The following TBC1D22A variants were observed in gnomAD, a reference collection of about 807,000 sequenced individuals.
The protein encoded by TBC1D22A is TBC1 domain family member 22A, also known as putative GTPase activator.
Under a neutral mutation model 60.2 loss-of-function variants are expected in TBC1D22A, and 38 were observed. The ratio of observed to expected loss-of-function variants is 0.63; its 90% CI spans 0.49 to 0.83. TBC1D22A has a LOEUF of 0.83. Ranked by LOEUF, TBC1D22A falls within the 40% of genes least tolerant of loss-of-function variation. TBC1D22A has a pLI of 0.00. For synonymous variants in TBC1D22A, 302 were observed against 281.7 expected (o/e 1.07, Z -0.72); for missense variants, 628 against 701.0 (o/e 0.90, Z 1.18).
chr22:46,788,594 G>A (rs556256017), intron 1 of TBC1D22A, among the ~76,000 whole-genome samples: 3 of 152,176 alleles, frequency 2.0e-5, no homozygotes, highest in African/African-American at 7.2e-5. Context: ...TGTGGTTCAT[G>A]CCACAGGGCG....
intron 5 of TBC1D22A, among the ~76,000 whole-genome samples, chr22:46,888,337 G>C (rs1169275957): frequency 6.6e-6 from 1 of 152,224 alleles, no homozygotes; most frequent in South Asian, 2.1e-4. Context: ...GGCTCTGTTC[G>C]AGCAAGGATG....
intron 4 of TBC1D22A, among the ~76,000 whole-genome samples, chr22:46,830,149 G>A (rs1198319094): frequency 6.6e-6 from 1 of 152,198 alleles, no homozygotes; most frequent in African/African-American, 2.4e-5. Flanking sequence ...GGTATTGTGG[G>A]CATCAGGCGT....
intron 4 of TBC1D22A, among the ~76,000 whole-genome samples, chr22:46,876,051 C>T (rs1237862960): frequency 1.3e-5 from 2 of 152,138 alleles, no homozygotes; most frequent in Non-Finnish European, 2.9e-5. Context: ...GCGATGGGCC[C>T]TGAGAGCTGC....
rs559218840 is a variant in TBC1D22A at position 46,884,900 on chromosome 22, C to T, written c.708+6177C>T. On this transcript the variant is annotated intron_variant, in intron 5 of 12. Transcript: ENST00000337137. The stretch of plus-strand genomic sequence containing the variant: ...AGGGGCCATGGTGAGTGACGAGTCT[C>T]GGCCTCTTGGTCAGAGAGGCAGGAA... Among the ~76,000 whole-genome samples the T allele has an allele frequency of 1.1e-4, 16 of 152,244 alleles. No homozygotes were observed. In the South Asian group the frequency reaches 3.1e-3, roughly 30 times the overall value.
intron 7 of TBC1D22A, among the ~76,000 whole-genome samples, chr22:46,903,846 G>A (rs2069187979): frequency 6.6e-6 from 1 of 152,176 alleles, no homozygotes; most frequent in African/African-American, 2.4e-5. Flanking sequence ...GGTTGGGACT[G>A]AGGGGTGGTA....
intron 8 of TBC1D22A, among the ~76,000 whole-genome samples, chr22:46,924,755 AC>A (rs2070953909): frequency 6.7e-6 from 1 of 150,160 alleles, no homozygotes; most frequent in African/African-American, 2.5e-5. Flanking sequence ...CAAAAAAAAA[AC>A]AAAAACAAAA....
At position 47,174,991 on chromosome 22, in the gene TBC1D22A, T is replaced by G. The variant is rs1294854612; in HGVS notation, c.*1365T>G. ...TCTGATCCCTGAGCCCAGGACAGGCTCACGTCCTCAGCGACCCACTGGTGA... is the reference window on the plus strand; with the variant it reads ...TCTGATCCCTGAGCCCAGGACAGGCGCACGTCCTCAGCGACCCACTGGTGA... On this transcript the variant is annotated 3_prime_UTR_variant, in exon 13 of 13. Coordinates refer to ENST00000337137, the MANE Select transcript of TBC1D22A (RefSeq NM_014346.5). The G allele has an allele frequency of 6.6e-6, 1 of 152,352 alleles. No individual in the cohort carries two copies. Among genetic ancestry groups the G allele is most frequent in the Non-Finnish European group, 1.5e-5 (1 of 68,180 alleles). 9.4% of individuals were successfully genotyped at this position (152,352 alleles called of 1,614,324 possible). A position where few individuals can be genotyped will look rare whatever the true frequency, so the allele number is the denominator to read the frequency against.
At chr22:46,947,277 G>A (rs9615425) in intron 8 of TBC1D22A, among the ~76,000 whole-genome samples, 8,534 of 152,234 alleles carry the variant, frequency 0.056, 353 homozygotes, top group Non-Finnish European at 0.088. Flanking sequence ...CTTCTCAGTC[G>A]CTCTGTCTGG....
rs117596593 is a variant in TBC1D22A at position 47,154,152 on chromosome 22, T to C, written c.1426-19346T>C. On this transcript the variant is annotated intron_variant, in intron 12 of 12. Transcript: ENST00000337137. ...TCCAGCACTGTCTCCAGGCCATGAC[T>C]TCTCCTTCCTGCTGTTGAGGAACAG... 3.7e-3 allele frequency among the ~76,000 whole-genome samples: 559 copies of C among 152,296 alleles called. 2 individuals are homozygous for C. The highest frequency in any genetic ancestry group is 6.7e-3 in the Non-Finnish European group (458 of 68,010).
intron 12 of TBC1D22A, among the ~76,000 whole-genome samples, chr22:47,152,336 G>A (rs1038299234): frequency 3.3e-5 from 5 of 152,098 alleles, no homozygotes; most frequent in Non-Finnish European, 5.9e-5. Flanking sequence ...AGCCTCCTAC[G>A]GGGTTCCCCC....
intron 10 of TBC1D22A, among the ~76,000 whole-genome samples, chr22:47,015,594 A>T (rs1036854554): frequency 6.6e-6 from 1 of 152,168 alleles, no homozygotes; most frequent in African/African-American, 2.4e-5. Flanking sequence ...TTGCGACCAC[A>T]CACATATAAT....
intron 8 of TBC1D22A, among the ~76,000 whole-genome samples, chr22:46,926,173 C>T (rs1003466232): frequency 1.3e-5 from 2 of 152,104 alleles, no homozygotes; most frequent in Non-Finnish European, 2.9e-5. Flanking sequence ...AAGCAGTGAT[C>T]CAAGAGAAAT....
At chr22:46,834,276 A>G (rs892412297) in intron 4 of TBC1D22A, among the ~76,000 whole-genome samples, 3 of 152,150 alleles carry the variant, frequency 2.0e-5, no homozygotes, top group Non-Finnish European at 2.9e-5. Context: ...TTCAGCCCTC[A>G]TCCCCCCCAG....
At chr22:46,932,866 AG>A (rs1313153654) in intron 8 of TBC1D22A, among the ~76,000 whole-genome samples, 2 of 151,928 alleles carry the variant, frequency 1.3e-5, no homozygotes, top group Admixed American at 1.3e-4. Flanking sequence ...CTGGGATTAC[AG>A]GCACCTGCCA....
chr22:47,151,754 G>C (rs2067512262), intron 12 of TBC1D22A, among the ~76,000 whole-genome samples: 3 of 152,248 alleles, frequency 2.0e-5, no homozygotes, highest in Admixed American at 2.0e-4. Flanking sequence ...GTCTGCTCTG[G>C]GGTTGAAGAA....
intron 11 of TBC1D22A, among the ~76,000 whole-genome samples, chr22:47,093,236 T>C (rs1377502689): frequency 3.9e-5 from 6 of 152,230 alleles, no homozygotes. Flanking sequence ...CTGATGTGTC[T>C]TGGCGGCCAG....
intron 1 of TBC1D22A, among the ~76,000 whole-genome samples, chr22:46,769,990 G>T (rs1157767256): frequency 6.6e-6 from 1 of 152,090 alleles, no homozygotes; most frequent in African/African-American, 2.4e-5. Flanking sequence ...CCCCCTAAAG[G>T]TGTCCTCATC....
At chr22:47,162,276 TC>T (rs1339482655) in intron 12 of TBC1D22A, among the ~76,000 whole-genome samples, 2 of 152,002 alleles carry the variant, frequency 1.3e-5, no homozygotes, top group Non-Finnish European at 2.9e-5. Context: ...GAGTCATAGT[TC>T]CCAAGGCTTT....
intron 10 of TBC1D22A, among the ~76,000 whole-genome samples, chr22:47,023,503 G>T (rs1027481691): frequency 6.6e-6 from 1 of 152,172 alleles, no homozygotes; most frequent in Admixed American, 6.5e-5. Flanking sequence ...GTGAATGAAT[G>T]CCAACCGAGC....
Sources: gnomAD v4.1 joint callset for allele counts (sites outside exome capture counted in the v4.1 genomes callset) on GRCh38, gnomAD v4.1.1 for gene constraint, MANE v1.5 for transcripts, NCBI Gene and HGNC (gene_info 2026-07-23, HGNC 2026-07-21) for gene names.